Variants in LRRC74A observed in about 807,000 individuals in gnomAD.
LRRC74A encodes the protein leucine-rich repeat-containing protein 74A.
Under a neutral mutation model 57.9 loss-of-function variants are expected in LRRC74A, and 44 were observed. That is an observed-to-expected ratio of 0.76 (90% CI 0.60 to 0.98). The LOEUF (loss-of-function observed/expected upper bound fraction) is 0.98. Among genes scored for constraint, LRRC74A ranks in the 50% least tolerant of loss-of-function variants. The pLI is 0.00. For synonymous variants in LRRC74A, 211 were observed against 219.4 expected, an observed-to-expected ratio of 0.96 and a Z score of 0.34; for missense variants, 572 against 574.0, an observed-to-expected ratio of 1.00 and a Z score of 0.04.
intron 7 of LRRC74A, among the ~76,000 whole-genome samples, chr14:76,847,847 G>C (rs1387128787): frequency 6.6e-6 from 1 of 151,970 alleles, no homozygotes; most frequent in African/African-American, 2.4e-5. Context: ...AGACCAGCTT[G>C]GGCAACATAG....
intron 5 of LRRC74A, among the ~76,000 whole-genome samples, chr14:76,840,623 CCCAGG>C (rs1349220827): frequency 6.9e-6 from 1 of 145,904 alleles, no homozygotes; most frequent in African/African-American, 2.5e-5. Context: ...CTCACTGTCA[CCCAGG>C]CTGGAGTGCA....
chr14:76,849,860 T>C (rs1214884766), intron 7 of LRRC74A, among the ~76,000 whole-genome samples: 1 of 150,540 alleles, frequency 6.6e-6, no homozygotes, highest in African/African-American at 2.4e-5. Context: ...TTTGAAGTGA[T>C]TGCTATGTGA....
At chr14:76,866,608 C>T (rs540726136) in intron 12 of LRRC74A, among the ~76,000 whole-genome samples, 20 of 152,138 alleles carry the variant, frequency 1.3e-4, no homozygotes, top group African/African-American at 3.1e-4. Flanking sequence ...CAGGCAGGGA[C>T]GGATAAGGCA....
At chr14:76,835,441 CA>C (rs1476793813) in intron 3 of LRRC74A, among the ~76,000 whole-genome samples, 1 of 149,694 alleles carries the variant, frequency 6.7e-6, no homozygotes, top group African/African-American at 2.5e-5. Flanking sequence ...GAGCCGAGAT[CA>C]CGCCACTGCA....
At chr14:76,836,687 A>G (rs1164379984) in intron 4 of LRRC74A, among the ~76,000 whole-genome samples, 1 of 149,144 alleles carries the variant, frequency 6.7e-6, no homozygotes, top group South Asian at 2.1e-4. Flanking sequence ...GCTACTTAGG[A>G]GGCTGAGGCA....
chr14:76,853,175 C>A (rs373184384), intron 8 of LRRC74A, 41 bp from the exon 9 acceptor site: 212 of 1,550,914 alleles, frequency 1.4e-4, no homozygotes, highest in Non-Finnish European at 3.2e-5. Flanking sequence ...ATGAGTCACG[C>A]GTAACCTTGA....
intron 9 of LRRC74A, among the ~76,000 whole-genome samples, chr14:76,855,254 C>T (rs1017425969): frequency 4.6e-5 from 7 of 152,088 alleles, no homozygotes; most frequent in East Asian, 1.9e-4. Context: ...TGGGGTGGAG[C>T]GGGGCCAGGC....
In LRRC74A at chr14:76,844,810, G is replaced by A; in HGVS notation, c.595-10G>A. Reference sequence around the variant, plus strand: ...AAAAATCCTTCTCTTTCCCCTGTTTGTTTCTGTAGACCAATTACCAAATTA... The same window carrying A: ...AAAAATCCTTCTCTTTCCCCTGTTTATTTCTGTAGACCAATTACCAAATTA... On this transcript the variant is annotated splice_polypyrimidine_tract_variant and intron_variant, in intron 6 of 13. Transcript: ENST00000689127. 6.8e-7 allele frequency: 1 copy of A among 1,471,872 alleles called. No homozygotes were observed. Among genetic ancestry groups the A allele is most frequent in the Non-Finnish European group, 9.5e-7 (1 of 1,051,602 alleles). 91.2% of individuals were successfully genotyped at this position (1,471,872 alleles called of 1,614,324 possible).
intron 7 of LRRC74A, among the ~76,000 whole-genome samples, chr14:76,845,849 T>A (rs761042506): frequency 3.9e-5 from 6 of 152,144 alleles, no homozygotes; most frequent in Non-Finnish European, 8.8e-5. Context: ...TGAAACCCCA[T>A]CTCTACTAAA....
At chr14:76,852,802 A>T (rs1897601114) in intron 8 of LRRC74A, among the ~76,000 whole-genome samples, 1 of 151,988 alleles carries the variant, frequency 6.6e-6, no homozygotes, top group Admixed American at 6.6e-5. Context: ...TATTTTTAGT[A>T]GAAACGGGGT....
chr14:76,844,130 C>T (rs1281843148), intron 5 of LRRC74A, among the ~76,000 whole-genome samples: 1 of 152,246 alleles, frequency 6.6e-6, no homozygotes, highest in Non-Finnish European at 1.5e-5. Context: ...TCCAAAGTAG[C>T]TGGGACCACA....
At chr14:76,827,453 A>G (rs1475447293) in intron 1 of LRRC74A, among the ~76,000 whole-genome samples, 1 of 152,142 alleles carries the variant, frequency 6.6e-6, no homozygotes, top group Non-Finnish European at 1.5e-5. Context: ...GAGGCATGGC[A>G]TGGCTTCTTG....
At chr14:76,865,513 A>G (rs1898707415) in intron 11 of LRRC74A, among the ~76,000 whole-genome samples, 1 of 152,248 alleles carries the variant, frequency 6.6e-6, no homozygotes, top group Admixed American at 6.5e-5. Context: ...AAACTGTCAC[A>G]TTATACAGCT....
At chr14:76,859,032 C>T (rs1898094482) in intron 10 of LRRC74A, among the ~76,000 whole-genome samples, 1 of 152,214 alleles carries the variant, frequency 6.6e-6, no homozygotes, top group Non-Finnish European at 1.5e-5. Context: ...CCTGTCCTCC[C>T]TGCCGCAGGC....
At chr14:76,846,858 A>G (rs564943470) in intron 7 of LRRC74A, among the ~76,000 whole-genome samples, 52 of 152,290 alleles carry the variant, frequency 3.4e-4, no homozygotes, top group South Asian at 4.1e-4. Context: ...AGTCAGGTAG[A>G]TGGTTTGCTA....
At chr14:76,852,113 C>T (rs1432275766) in intron 7 of LRRC74A, among the ~76,000 whole-genome samples, 1 of 152,134 alleles carries the variant, frequency 6.6e-6, no homozygotes, top group African/African-American at 2.4e-5. Flanking sequence ...ATAATATCTG[C>T]CAAATAGACT....
intron 9 of LRRC74A, among the ~76,000 whole-genome samples, chr14:76,856,748 G>GTGGA (rs761581286): frequency 6.8e-6 from 1 of 146,846 alleles, no homozygotes; most frequent in Non-Finnish European, 1.5e-5. Context: ...GGATAAGTGA[G>GTGGA]TGGATGGATG....
chr14:76,859,274 C>CCTGT (rs1008163257), intron 10 of LRRC74A, among the ~76,000 whole-genome samples: 4 of 152,148 alleles, frequency 2.6e-5, no homozygotes, highest in Admixed American at 6.5e-5. Flanking sequence ...GTGACTCACG[C>CCTGT]CTGTAATCCC....
intron 1 of LRRC74A, among the ~76,000 whole-genome samples, chr14:76,826,943 T>C (rs571389097): frequency 6.6e-6 from 1 of 152,370 alleles, no homozygotes; most frequent in South Asian, 2.1e-4. Context: ...ATACTGGCTC[T>C]AGCCAGCTTT....
Sources: gnomAD v4.1 joint callset for allele counts (sites outside exome capture counted in the v4.1 genomes callset) on GRCh38, gnomAD v4.1.1 for gene constraint, MANE v1.5 for transcripts, NCBI Gene and HGNC (gene_info 2026-07-23, HGNC 2026-07-21) for gene names.